The following SRSF11 variants were observed in gnomAD, a reference collection of about 807,000 sequenced individuals.
SRSF11 encodes serine/arginine-rich splicing factor 11.
In SRSF11, 9 loss-of-function variants were observed where a neutral mutation model predicts 56.0. The observed-to-expected ratio is 0.16, with a 90% CI of 0.10 to 0.28. SRSF11 has a LOEUF of 0.28. SRSF11 is among the 10% of genes least tolerant of loss of function. The pLI is 1.00. For synonymous variants in SRSF11, 222 were observed against 215.3 expected, an observed-to-expected ratio of 1.03 and a Z score of -0.27; for missense variants, 421 against 600.7, an observed-to-expected ratio of 0.70 and a Z score of 3.13.
At chr1:70,234,325 C>G (rs1558189165) in intron 3 of SRSF11, among the ~76,000 whole-genome samples, 1 of 152,120 alleles carries the variant, frequency 6.6e-6, no homozygotes, top group African/African-American at 2.4e-5. Context: ...AGATTTGGAT[C>G]CTGAGAAGCA....
rs567046282 is a variant in SRSF11, at chr1:70,251,705, T to G, written c.*900T>G. The stretch of plus-strand genomic sequence containing the variant: ...GCTCCGTGTTGGAAAAAAGGGGTAG[T>G]GCATTTTAAATTGACCTTCATACGC... On this transcript the variant is annotated 3_prime_UTR_variant, in exon 12 of 12. Transcript: ENST00000370949. 1 of 152,744 alleles carries G rather than the reference T, an allele frequency of 6.5e-6. No homozygotes were observed. The highest frequency in any genetic ancestry group is 1.9e-4 in the East Asian group (1 of 5,186). 9.5% of individuals were successfully genotyped at this position (152,744 alleles called of 1,614,324 possible).
At chr1:70,237,666 T>C (rs1317453279) in intron 6 of SRSF11, 114 bp downstream of exon 6, 1 of 1,421,326 alleles carries the variant, frequency 7.0e-7, no homozygotes, top group Non-Finnish European at 9.5e-7. Context: ...TAAACTCTGA[T>C]AAAAGATTGT....
chr1:70,249,543 T>G (rs1446816022), intron 9 of SRSF11: 1 of 165,840 alleles, frequency 6.0e-6, no homozygotes, highest in African/African-American at 2.4e-5. Flanking sequence ...ATACCAGTAT[T>G]GTGAAACAAT....
intron 5 of SRSF11, among the ~76,000 whole-genome samples, chr1:70,236,571 C>G (rs973859934): frequency 2.6e-5 from 4 of 151,672 alleles, no homozygotes; most frequent in Non-Finnish European, 5.9e-5. Context: ...ACCTCATGAT[C>G]CACCCGCCAA....
At chr1:70,230,716 G>A (rs1672689675) in intron 2 of SRSF11, 5 of 1,193,018 alleles carry the variant, frequency 4.2e-6, no homozygotes, top group Admixed American at 4.0e-5. Context: ...TTTTTTAATG[G>A]ATGCAGATCT....
upstream of SRSF11, chr1:70,220,915 T>A (rs1212341516): frequency 6.6e-6 from 1 of 152,228 alleles, no homozygotes; most frequent in East Asian, 1.9e-4. Flanking sequence ...TATTAAAATA[T>A]ATCTTTTCTG....
intron 7 of SRSF11, among the ~76,000 whole-genome samples, chr1:70,243,923 G>A (rs569616033): frequency 6.6e-6 from 1 of 152,214 alleles, no homozygotes; most frequent in African/African-American, 2.4e-5. Flanking sequence ...CAGTAGGGAG[G>A]ATGACAACAT....
In SRSF11 at chr1:70,251,128, TTAAG is replaced by T. The variant is rs764252025; in HGVS notation, c.*329_*332del. 4.9e-5 allele frequency: 11 copies of T among 224,872 alleles called. No homozygotes were observed. Among genetic ancestry groups the T allele is most frequent in the Non-Finnish European group, 8.9e-5 (10 of 112,490 alleles). 13.9% of individuals were successfully genotyped at this position (224,872 alleles called of 1,614,324 possible). A position where few individuals can be genotyped will look rare whatever the true frequency, so the allele number is the denominator to read the frequency against. On this transcript the variant is annotated 3_prime_UTR_variant, in exon 12 of 12. Transcript: ENST00000370949. ...TGTTTATGTCGTATGATATCCTTTA[TTAAG>T]TAAGTTCACTTATAGTATTTCTATA...
intron 3 of SRSF11, among the ~76,000 whole-genome samples, 190 bp downstream of exon 3, chr1:70,232,567 CATAAA>C (rs1048634964): frequency 2.0e-5 from 3 of 152,148 alleles, no homozygotes; most frequent in African/African-American, 7.2e-5. Context: ...TCTGAAAAAT[CATAAA>C]ATATCTGTTC....
intron 8 of SRSF11, 107 bp downstream of exon 8, chr1:70,244,922 T>G: frequency 9.6e-7 from 1 of 1,040,726 alleles, no homozygotes; most frequent in Non-Finnish European, 1.4e-6. Context: ...GAAATAGGGC[T>G]AGACAGGGGA....
upstream of SRSF11, among the ~76,000 whole-genome samples, chr1:70,219,343 C>T (rs1041489659): frequency 6.6e-6 from 1 of 152,186 alleles, no homozygotes; most frequent in Admixed American, 6.5e-5. Flanking sequence ...TGCTCAAATT[C>T]TTTATGTAAA....
chr1:70,231,194 T>C, intron 2 of SRSF11: 1 of 1,261,618 alleles, frequency 7.9e-7, no homozygotes, highest in South Asian at 1.3e-5. Flanking sequence ...TTAAGTGCCC[T>C]GTACATATTG....
At chr1:70,211,480 A>G (rs1322861623) in intron 1 of SRSF11, among the ~76,000 whole-genome samples, 6 of 152,272 alleles carry the variant, frequency 3.9e-5, no homozygotes, top group Admixed American at 1.3e-4. Flanking sequence ...GGTCCCTGAG[A>G]CTTTATCCTT....
At chr1:70,227,556 G>C (rs942115239) in intron 1 of SRSF11, among the ~76,000 whole-genome samples, 1 of 152,032 alleles carries the variant, frequency 6.6e-6, no homozygotes, top group Non-Finnish European at 1.5e-5. Context: ...CTGCCTTAGG[G>C]CACTAGCTTT....
chr1:70,229,954 G>C, intron 2 of SRSF11: 1 of 985,352 alleles, frequency 1.0e-6, no homozygotes, highest in Non-Finnish European at 1.2e-6. Context: ...ATGTCAGTGT[G>C]CCTGTTGTAG....
intron 2 of SRSF11, chr1:70,230,804 A>G (rs946033629): frequency 8.5e-7 from 1 of 1,177,304 alleles, no homozygotes; most frequent in African/African-American, 1.6e-5. Flanking sequence ...TTTGAGTAAG[A>G]TGTTGATACT....
At position 70,235,485 on chromosome 1, in the gene SRSF11, T is replaced by A. The variant is rs768216844; in HGVS notation, c.541-16T>A. 2 of 1,596,294 alleles carry A rather than the reference T, an allele frequency of 1.3e-6. No homozygotes were observed. Among genetic ancestry groups the A allele is most frequent in the African/African-American group, 2.7e-5 (2 of 74,252 alleles). On this transcript the variant is annotated splice_polypyrimidine_tract_variant and intron_variant, in intron 4 of 11. Coordinates refer to ENST00000370949, the MANE Select transcript of SRSF11 (RefSeq NM_001350605.2). Reference sequence around the variant, plus strand: ...GTTTTATGTATTCTCATTATTCTTATGTTTTATTTTTACAGTCTCTTGCTG... The same window carrying A: ...GTTTTATGTATTCTCATTATTCTTAAGTTTTATTTTTACAGTCTCTTGCTG...
At chr1:70,214,781 ATTTTT>A (rs1359808685) in intron 1 of SRSF11, among the ~76,000 whole-genome samples, 1 of 151,950 alleles carries the variant, frequency 6.6e-6, no homozygotes, top group East Asian at 1.9e-4. Flanking sequence ...TTACAATCTG[ATTTTT>A]AAATAGATAT....
chr1:70,206,662 A>G (rs1484710695), intron 1 of SRSF11, among the ~76,000 whole-genome samples: 2 of 152,170 alleles, frequency 1.3e-5, no homozygotes, highest in East Asian at 1.9e-4. Flanking sequence ...ACCCCCATCA[A>G]GTCTACTGAG....
Sources: gnomAD v4.1 joint callset for allele counts (sites outside exome capture counted in the v4.1 genomes callset) on GRCh38, gnomAD v4.1.1 for gene constraint, MANE v1.5 for transcripts, NCBI Gene and HGNC (gene_info 2026-07-23, HGNC 2026-07-21) for gene names.